Variants in GRID2 observed in about 807,000 individuals in gnomAD.
GRID2 encodes glutamate receptor ionotropic, delta-2.
GRID2 carries 33 observed loss-of-function variants against 114.8 expected under a neutral mutation model. The observed-to-expected ratio is 0.29, with a 90% CI of 0.22 to 0.38. The LOEUF is 0.38. GRID2 is among the 10% of genes least tolerant of loss of function. The pLI is 1.00. For missense variants in GRID2, 1,184 were observed against 1,257.7 expected, an observed-to-expected ratio of 0.94 and a Z score of 0.89; for synonymous variants, 505 against 449.9, an observed-to-expected ratio of 1.12 and a Z score of -1.55.
chr4:92,480,158 T>G (rs1466277251), intron 1 of GRID2, among the ~76,000 whole-genome samples: 1 of 152,102 alleles, frequency 6.6e-6, no homozygotes, highest in East Asian at 1.9e-4. Flanking sequence ...AATGAATGTT[T>G]TACATGAATT....
At chr4:92,473,964 T>TTG (rs59328379) in intron 1 of GRID2, among the ~76,000 whole-genome samples, 7,296 of 144,358 alleles carry the variant, frequency 0.051, 416 homozygotes, top group African/African-American at 0.15. Flanking sequence ...GTTATCTTGG[T>TTG]TGTGTGTGTG....
chr4:92,558,037 T>C (rs1030583565), intron 1 of GRID2, among the ~76,000 whole-genome samples: 4 of 152,146 alleles, frequency 2.6e-5, no homozygotes, highest in African/African-American at 9.7e-5. Context: ...GATTCCTCCA[T>C]TCTATTTTTG....
Position 93,006,616 on chromosome 4 carries a change from A to G in GRID2, c.245-78379A>G, listed in dbSNP as rs978257822. Reference sequence around the variant, plus strand: ...TACTGAAAAAAAAAAGAGAGTCACTATATCAGAAAACCGTATAATATCAAA... The same window carrying G: ...TACTGAAAAAAAAAAGAGAGTCACTGTATCAGAAAACCGTATAATATCAAA... On this transcript the variant is annotated intron_variant, in intron 2 of 15. Coordinates refer to ENST00000282020, the MANE Select transcript of GRID2 (RefSeq NM_001510.4). Among the ~76,000 whole-genome samples the G allele has an allele frequency of 2.6e-5, 4 of 151,926 alleles. 1 individual carries two copies. Among genetic ancestry groups the G allele is most frequent in the South Asian group, 2.1e-4 (1 of 4,826 alleles).
chr4:92,447,896 A>G (rs1383437686), intron 1 of GRID2, among the ~76,000 whole-genome samples: 1 of 152,208 alleles, frequency 6.6e-6, no homozygotes, highest in Non-Finnish European at 1.5e-5. Context: ...ATTTCAAAGC[A>G]GAAATTTGGG....
chr4:93,628,753 A>G (rs2149694258), intron 14 of GRID2, among the ~76,000 whole-genome samples: 1 of 146,098 alleles, frequency 6.8e-6, no homozygotes, highest in East Asian at 2.0e-4. Context: ...TGCTTTTCAG[A>G]CTTGATTTTC....
At chr4:92,601,027 C>A (rs945169282) in intron 2 of GRID2, among the ~76,000 whole-genome samples, 1 of 151,956 alleles carries the variant, frequency 6.6e-6, no homozygotes, top group African/African-American at 2.4e-5. Flanking sequence ...GTCCCTCCCC[C>A]AAAGGGCTTA....
At chr4:93,593,725 C>T (rs544267291) in intron 13 of GRID2, among the ~76,000 whole-genome samples, 6 of 152,268 alleles carry the variant, frequency 3.9e-5, no homozygotes, top group South Asian at 2.1e-4. Context: ...TTCACATAGT[C>T]CCATATTTCC....
chr4:92,774,734 T>C (rs968651845), intron 2 of GRID2, among the ~76,000 whole-genome samples: 3 of 151,986 alleles, frequency 2.0e-5, no homozygotes, highest in African/African-American at 7.2e-5. Flanking sequence ...TAGCTGGGAC[T>C]ACAGGCTCAC....
At chr4:93,208,893 CG>C (rs1415150245) in intron 5 of GRID2, among the ~76,000 whole-genome samples, 4 of 151,794 alleles carry the variant, frequency 2.6e-5, no homozygotes, top group African/African-American at 9.7e-5. Flanking sequence ...AATAACTAAA[CG>C]TTGGGATAGA....
chr4:92,310,604 A>C (rs1458532886), intron 1 of GRID2, among the ~76,000 whole-genome samples: 1 of 152,052 alleles, frequency 6.6e-6, no homozygotes, highest in African/African-American at 2.4e-5. Flanking sequence ...TTAAGGTATA[A>C]TAAAAAAAAG....
intron 1 of GRID2, among the ~76,000 whole-genome samples, chr4:92,322,809 T>C (rs1478389055): frequency 6.6e-6 from 1 of 152,164 alleles, no homozygotes; most frequent in Non-Finnish European, 1.5e-5. Flanking sequence ...GTTTTGGCTA[T>C]GTTTTATTTT....
At chr4:93,516,587 T>G (rs531138977) in intron 13 of GRID2, among the ~76,000 whole-genome samples, 35 of 152,258 alleles carry the variant, frequency 2.3e-4, no homozygotes, top group South Asian at 6.2e-4. Flanking sequence ...TCTAAAATAT[T>G]TCTTGGCTTT....
At chr4:92,729,453 A>G (rs1736225073) in intron 2 of GRID2, among the ~76,000 whole-genome samples, 1 of 151,954 alleles carries the variant, frequency 6.6e-6, no homozygotes, top group Non-Finnish European at 1.5e-5. Context: ...TTGATTGATA[A>G]TTTTTTGAAT....
intron 2 of GRID2, among the ~76,000 whole-genome samples, chr4:92,825,679 A>G (rs983197747): frequency 1.3e-5 from 2 of 152,132 alleles, no homozygotes; most frequent in African/African-American, 4.8e-5. Flanking sequence ...TTATTCCCAT[A>G]TAAATGAGAG....
At chr4:93,528,440 C>T (rs1731137698) in intron 13 of GRID2, among the ~76,000 whole-genome samples, 1 of 150,756 alleles carries the variant, frequency 6.6e-6, no homozygotes, top group Admixed American at 6.6e-5. Flanking sequence ...TACATTCTCA[C>T]CAACATTTAT....
At chr4:92,487,389 GTTA>G (rs1042974578) in intron 1 of GRID2, among the ~76,000 whole-genome samples, 3 of 151,456 alleles carry the variant, frequency 2.0e-5, no homozygotes, top group Admixed American at 6.6e-5. Context: ...ATTTCTATCT[GTTA>G]TTATACTCGT....
intron 8 of GRID2, among the ~76,000 whole-genome samples, chr4:93,281,989 T>A (rs1752696640): frequency 6.6e-6 from 1 of 152,074 alleles, no homozygotes; most frequent in African/African-American, 2.4e-5. Context: ...ACAGTTAAAG[T>A]TGAATAATAG....
chr4:93,588,778 C>G (rs1484236595), intron 13 of GRID2, among the ~76,000 whole-genome samples: 1 of 152,186 alleles, frequency 6.6e-6, no homozygotes, highest in African/African-American at 2.4e-5. Flanking sequence ...AAAATACTTG[C>G]ATTCCCTGAC....
chr4:92,889,105 A>T (rs1212287419), intron 2 of GRID2, among the ~76,000 whole-genome samples: 4 of 152,178 alleles, frequency 2.6e-5, no homozygotes, highest in Non-Finnish European at 5.9e-5. Context: ...CTCCCTTAGG[A>T]AAAATACGTT....
Sources: gnomAD v4.1 joint callset for allele counts (sites outside exome capture counted in the v4.1 genomes callset) on GRCh38, gnomAD v4.1.1 for gene constraint, MANE v1.5 for transcripts, NCBI Gene and HGNC (gene_info 2026-07-23, HGNC 2026-07-21) for gene names.